STK4: variants seen among roughly 807,000 people sequenced by gnomAD.
STK4 encodes serine/threonine kinase 4, also known as serine/threonine-protein kinase 4.
STK4 carries 30 observed loss-of-function variants against 64.9 expected under a neutral mutation model. The ratio of observed to expected loss-of-function variants is 0.46; its 90% CI spans 0.35 to 0.63. The LOEUF (loss-of-function observed/expected upper bound fraction) is 0.63, where lower values mean the gene tolerates loss of function less well. Among genes scored for constraint, STK4 ranks in the 20% least tolerant of loss-of-function variants. The probability of loss-of-function intolerance (pLI) is 0.01; values close to 1 mark genes in which losing one functional copy is unlikely to be tolerated. For missense variants in STK4, 466 were observed against 598.5 expected, an observed-to-expected ratio of 0.78 and a Z score of 2.31; for synonymous variants, 177 against 199.0, an observed-to-expected ratio of 0.89 and a Z score of 0.93.
At chr20:45,033,058 A>G (rs1432376918) in intron 10 of STK4, among the ~76,000 whole-genome samples, 2 of 152,062 alleles carry the variant, frequency 1.3e-5, no homozygotes, top group Non-Finnish European at 2.9e-5. Flanking sequence ...CTTATTGACC[A>G]TGTGTATGTC....
At chr20:45,071,597 A>T (rs1336223259) in intron 10 of STK4, among the ~76,000 whole-genome samples, 1 of 152,214 alleles carries the variant, frequency 6.6e-6, no homozygotes, top group African/African-American at 2.4e-5. Context: ...CAAGGGCAAC[A>T]AAACTGCCTA....
At chr20:45,014,942 C>G (rs890094092) in intron 9 of STK4, among the ~76,000 whole-genome samples, 1 of 152,170 alleles carries the variant, frequency 6.6e-6, no homozygotes, top group Admixed American at 6.5e-5. Flanking sequence ...CTCTTTAAAA[C>G]TTGTACTTAG....
chr20:44,987,865 C>T (rs1365005353), intron 5 of STK4, among the ~76,000 whole-genome samples: 1 of 151,582 alleles, frequency 6.6e-6, no homozygotes, highest in African/African-American at 2.4e-5. Flanking sequence ...TAGTTTTAGG[C>T]AGGTATACTC....
rs1439274921 is a variant in STK4 at position 45,078,946 on chromosome 20, A to G, written c.*3770A>G. On this transcript the variant is annotated 3_prime_UTR_variant, in exon 11 of 11. Transcript: ENST00000372806. Reference sequence around the variant, plus strand: ...TATGCTAATAAATTTAACAACTTCAACATCATAAACAAATTCCTTGAAAAA... The same window carrying G: ...TATGCTAATAAATTTAACAACTTCAGCATCATAAACAAATTCCTTGAAAAA... 1 of 152,208 alleles carries G rather than the reference A, an allele frequency of 6.6e-6. No homozygotes were observed. Among genetic ancestry groups the G allele is most frequent in the Non-Finnish European group, 1.5e-5 (1 of 68,040 alleles). The allele number at this position is 152,208 out of a possible 1,614,324, so 9.4% of individuals were successfully genotyped here.
intron 10 of STK4, among the ~76,000 whole-genome samples, chr20:45,048,579 C>T (rs1438043558): frequency 1.3e-5 from 2 of 151,874 alleles, no homozygotes; most frequent in East Asian, 3.9e-4. Context: ...GGTCTTGGCT[C>T]ACTGCAACCT....
chr20:45,012,948 A>AT (rs60788017), intron 9 of STK4, among the ~76,000 whole-genome samples: 7 of 51,184 alleles, frequency 1.4e-4, no homozygotes, highest in Non-Finnish European at 2.3e-4. Flanking sequence ...CACACCTGTG[A>AT]TTTTTTTTTT....
At chr20:45,051,734 T>G (rs1367949324) in intron 10 of STK4, among the ~76,000 whole-genome samples, 1 of 152,220 alleles carries the variant, frequency 6.6e-6, no homozygotes, top group Non-Finnish European at 1.5e-5. Context: ...TAGTGCCTTC[T>G]AAAGTAGATT....
At chr20:45,049,090 G>A (rs2068739488) in intron 10 of STK4, among the ~76,000 whole-genome samples, 1 of 152,044 alleles carries the variant, frequency 6.6e-6, no homozygotes, top group Non-Finnish European at 1.5e-5. Context: ...GAGACAGAGA[G>A]AGACAGAGAG....
At chr20:45,028,629 T>A (rs148312203) in intron 10 of STK4, among the ~76,000 whole-genome samples, 216 of 152,312 alleles carry the variant, frequency 1.4e-3, no homozygotes, top group African/African-American at 5.1e-3. Context: ...ACCGGCTCTT[T>A]GTGGTTTCAG....
intron 10 of STK4, among the ~76,000 whole-genome samples, chr20:45,038,155 T>C (rs560384764): frequency 5.3e-5 from 8 of 152,258 alleles, no homozygotes; most frequent in Admixed American, 1.3e-4. Flanking sequence ...AAATTTAATG[T>C]CCCATTACTC....
chr20:45,053,622 A>C (rs1198457083), intron 10 of STK4, among the ~76,000 whole-genome samples: 1 of 152,174 alleles, frequency 6.6e-6, no homozygotes, highest in African/African-American at 2.4e-5. Flanking sequence ...GTGTGGCTTC[A>C]CTGTAAGCAC....
rs73617486 is a variant in STK4 at position 45,001,551 on chromosome 20, A to G, written c.1147+198A>G. Among the ~76,000 whole-genome samples, 605 of 152,322 alleles carry G rather than the reference A, an allele frequency of 4.0e-3. 7 individuals are homozygous for G. In the East Asian group the frequency reaches 0.059, roughly 15 times the overall value. On this transcript the variant is annotated intron_variant, in intron 9 of 10. Transcript: ENST00000372806. ...GCTGGCCTGTGGAGTCAAAGTCAAG[A>G]AAGCATCAACAGTGAGAAAGAATTT...
chr20:44,982,865 A>G (rs1370365588), intron 4 of STK4, among the ~76,000 whole-genome samples: 1 of 152,240 alleles, frequency 6.6e-6, no homozygotes, highest in Non-Finnish European at 1.5e-5. Context: ...AATAGTAACT[A>G]TTAATAGAAA....
intron 9 of STK4, among the ~76,000 whole-genome samples, chr20:45,001,974 C>T (rs13043430): frequency 0.25 from 38,240 of 152,094 alleles, 5,544 homozygotes; most frequent in Middle Eastern, 0.43. Context: ...GTTTCATCCC[C>T]TAAACTCAAG....
At chr20:45,051,305 T>C (rs1042730181) in intron 10 of STK4, among the ~76,000 whole-genome samples, 2 of 152,198 alleles carry the variant, frequency 1.3e-5, no homozygotes, top group East Asian at 1.9e-4. Context: ...TCTGTGCTGG[T>C]TGTATTTTAT....
Position 45,024,965 on chromosome 20 carries a change from G to A in STK4, c.1148-8G>A, listed in dbSNP as rs774986244. 1.8e-5 allele frequency: 27 copies of A among 1,538,230 alleles called. No homozygotes were observed. Among genetic ancestry groups the A allele is most frequent in the Non-Finnish European group, 2.3e-5 (26 of 1,145,712 alleles). ...TTCTTTTCATTTTTCATTTTTCTTT[G>A]TTTTCAGGAAGGGATGAGACCATGC... On this transcript the variant is annotated splice_region_variant and splice_polypyrimidine_tract_variant and intron_variant, in intron 9 of 10. Transcript: ENST00000372806.
chr20:45,021,797 T>C (rs1337515466), intron 9 of STK4, among the ~76,000 whole-genome samples: 1 of 152,248 alleles, frequency 6.6e-6, no homozygotes, highest in Non-Finnish European at 1.5e-5. Context: ...ATGTTTTAGA[T>C]GAGAGGCATC....
chr20:45,011,443 T>G (rs1480977128), intron 9 of STK4, among the ~76,000 whole-genome samples: 1 of 152,016 alleles, frequency 6.6e-6, no homozygotes, highest in African/African-American at 2.4e-5. Flanking sequence ...TTTTATTTAG[T>G]TGGGAGATTG....
intron 6 of STK4, 78 bp downstream of exon 6, chr20:44,995,335 G>A (rs1258079133): frequency 2.0e-6 from 3 of 1,507,264 alleles, no homozygotes; most frequent in East Asian, 2.4e-5. Flanking sequence ...GCCAGGTGTT[G>A]TGGCTCACAC....
Sources: allele counts gnomAD v4.1 joint callset (sites outside exome capture counted in the v4.1 genomes callset), GRCh38; gene constraint gnomAD v4.1.1; transcripts MANE v1.5; gene names NCBI Gene and HGNC (gene_info 2026-07-23, HGNC 2026-07-21).